The following SMAP1 variants were observed in gnomAD, a reference collection of about 807,000 sequenced individuals.
SMAP1 encodes small ArfGAP 1.
SMAP1 carries 24 observed loss-of-function variants against 58.5 expected under a neutral mutation model. That is an observed-to-expected ratio of 0.41 (90% CI 0.30 to 0.58). The LOEUF is 0.58. Ranked by LOEUF, SMAP1 falls within the 20% of genes least tolerant of loss-of-function variation. The pLI, the probability that SMAP1 is intolerant of heterozygous loss-of-function variation, is 0.29. For synonymous variants in SMAP1, 216 were observed against 196.6 expected (o/e 1.10, Z -0.82); for missense variants, 563 against 566.3 (o/e 0.99, Z 0.06).
intron 8 of SMAP1, among the ~76,000 whole-genome samples, chr6:70,854,692 C>CA (rs1049190486): frequency 6.6e-5 from 10 of 151,768 alleles, no homozygotes; most frequent in African/African-American, 2.4e-4. Flanking sequence ...GCTGAAACTA[C>CA]AGATTCTATG....
At chr6:70,798,851 G>A in intron 6 of SMAP1, 114 bp downstream of exon 6, 1 of 871,116 alleles carries the variant, frequency 1.1e-6, no homozygotes, top group Non-Finnish European at 1.7e-6. Flanking sequence ...TTTTCAACAA[G>A]CAATTGTTGA....
intron 3 of SMAP1, among the ~76,000 whole-genome samples, chr6:70,768,553 A>C (rs1355147506): frequency 6.6e-6 from 1 of 152,188 alleles, no homozygotes; most frequent in Non-Finnish European, 1.5e-5. Flanking sequence ...TGTTTGTCGT[A>C]TTCTCTGATG....
intron 1 of SMAP1, chr6:70,668,852 A>G (rs1041310099): frequency 4.8e-6 from 5 of 1,034,884 alleles, no homozygotes; most frequent in Non-Finnish European, 5.4e-6. Flanking sequence ...GTGGGTTTGT[A>G]TTTCTGAAGA....
Position 70,729,540 on chromosome 6 carries a change from C to T in SMAP1, c.119-2838C>T, listed in dbSNP as rs576806006. On this transcript the variant is annotated intron_variant, in intron 1 of 10. Transcript: ENST00000370455. ...TGAACTTTAGTCCTATATTCTAAAT[C>T]GCCTGCCAGACATTTTCATCTTGGT... Among the ~76,000 whole-genome samples the T allele has an allele frequency of 4.7e-5, 7 of 148,726 alleles. No individual in the cohort carries two copies. The Admixed American group carries it at 4.7e-4, about 10-fold the overall frequency.
At chr6:70,799,324 G>T (rs550657785) in intron 6 of SMAP1, among the ~76,000 whole-genome samples, 36 of 152,256 alleles carry the variant, frequency 2.4e-4, no homozygotes, top group African/African-American at 8.7e-4. Flanking sequence ...GGGAGGAAAG[G>T]CTGTGAGCAG....
intron 1 of SMAP1, among the ~76,000 whole-genome samples, chr6:70,707,657 G>A (rs1246491490): frequency 6.6e-6 from 1 of 151,890 alleles, no homozygotes; most frequent in African/African-American, 2.4e-5. Context: ...CCAAGCTGGA[G>A]TGCAGTAGTG....
intron 1 of SMAP1, among the ~76,000 whole-genome samples, chr6:70,725,813 T>G (rs1336681657): frequency 6.6e-6 from 1 of 152,224 alleles, no homozygotes; most frequent in African/African-American, 2.4e-5. Flanking sequence ...TTGGGTATTA[T>G]GAGGAAAGAA....
At chr6:70,805,662 T>C (rs1769093196) in intron 6 of SMAP1, among the ~76,000 whole-genome samples, 1 of 152,190 alleles carries the variant, frequency 6.6e-6, no homozygotes, top group African/African-American at 2.4e-5. Context: ...GTCTTTGATG[T>C]TGGTGACCTA....
intron 6 of SMAP1, among the ~76,000 whole-genome samples, chr6:70,819,065 T>C (rs1026166108): frequency 6.6e-6 from 1 of 152,212 alleles, no homozygotes; most frequent in African/African-American, 2.4e-5. Flanking sequence ...CACTAATCTT[T>C]CTGTCTCTGT....
At chr6:70,710,245 C>T (rs1392568120) in intron 1 of SMAP1, among the ~76,000 whole-genome samples, 2 of 152,034 alleles carry the variant, frequency 1.3e-5, no homozygotes, top group South Asian at 4.1e-4. Context: ...GTAATCCCAG[C>T]ACTTTGGAAG....
intron 4 of SMAP1, among the ~76,000 whole-genome samples, chr6:70,785,888 T>C (rs186675767): frequency 4.6e-5 from 7 of 152,338 alleles, no homozygotes; most frequent in South Asian, 2.1e-4. Flanking sequence ...GAGGAGCTGG[T>C]ACCATTCCTT....
intron 7 of SMAP1, among the ~76,000 whole-genome samples, chr6:70,840,614 A>G (rs961950876): frequency 2.0e-5 from 3 of 152,220 alleles, no homozygotes; most frequent in African/African-American, 7.2e-5. Context: ...AAAAACAGGC[A>G]TGGGCTAGGG....
chr6:70,756,669 C>A (rs6941789), intron 3 of SMAP1, among the ~76,000 whole-genome samples: 21,396 of 151,882 alleles, frequency 0.14, 2,832 homozygotes, highest in East Asian at 0.54. Context: ...TGTTTAAAAA[C>A]ACATGAAGGA....
chr6:70,757,607 C>T (rs1202877054), intron 3 of SMAP1, among the ~76,000 whole-genome samples: 23 of 151,692 alleles, frequency 1.5e-4, no homozygotes, highest in African/African-American at 4.3e-4. Context: ...AGAAAATTTT[C>T]GCAACCTACT....
At position 70,861,567 on chromosome 6, in the gene SMAP1, A is replaced by G. The variant is rs1234474204; in HGVS notation, c.*1233A>G. Reference sequence around the variant, plus strand: ...AGAAAGGCTGCTGTACTGAAGTAAAACAAACAATACCTGAATGCTCTGTAG... The same window carrying G: ...AGAAAGGCTGCTGTACTGAAGTAAAGCAAACAATACCTGAATGCTCTGTAG... On this transcript the variant is annotated 3_prime_UTR_variant, in exon 11 of 11. Coordinates refer to ENST00000370455, the MANE Select transcript of SMAP1 (RefSeq NM_001044305.3). 1.7e-6 allele frequency: 2 copies of G among 1,161,568 alleles called. No individual in the cohort carries two copies. The highest frequency in any genetic ancestry group is 3.1e-5 in the African/African-American group (2 of 65,310). The allele number at this position is 1,161,568 out of a possible 1,614,324, so 72.0% of individuals were successfully genotyped here.
intron 1 of SMAP1, among the ~76,000 whole-genome samples, chr6:70,672,780 G>C (rs1481076558): frequency 2.0e-5 from 3 of 152,150 alleles, no homozygotes; most frequent in Admixed American, 2.0e-4. Flanking sequence ...TGACCCTGTT[G>C]GGACCAGTCA....
chr6:70,775,499 G>C (rs1319356523), intron 4 of SMAP1, among the ~76,000 whole-genome samples: 2 of 152,074 alleles, frequency 1.3e-5, no homozygotes, highest in Non-Finnish European at 2.9e-5. Context: ...ATACGTGGTA[G>C]AATAAAATAC....
At chr6:70,780,625 T>C (rs1281161394) in intron 4 of SMAP1, among the ~76,000 whole-genome samples, 1 of 152,192 alleles carries the variant, frequency 6.6e-6, no homozygotes, top group African/African-American at 2.4e-5. Flanking sequence ...CTCCTTCCCT[T>C]GCTCACTTAC....
intron 1 of SMAP1, among the ~76,000 whole-genome samples, chr6:70,689,755 A>G (rs181011212): frequency 3.3e-5 from 5 of 152,248 alleles, no homozygotes; most frequent in African/African-American, 9.6e-5. Flanking sequence ...GCAGTATTTT[A>G]TAGTTTTCAG....
Sources: allele counts gnomAD v4.1 joint callset (sites outside exome capture counted in the v4.1 genomes callset), GRCh38; gene constraint gnomAD v4.1.1; transcripts MANE v1.5; gene names NCBI Gene and HGNC (gene_info 2026-07-23, HGNC 2026-07-21).